Variants in ZNF423 observed in about 807,000 individuals in gnomAD.
ZNF423 encodes zinc finger protein 423.
Under a neutral mutation model 95.8 loss-of-function variants are expected in ZNF423, and 12 were observed. The observed-to-expected ratio is 0.13, with a 90% CI of 0.08 to 0.20. ZNF423 has a LOEUF of 0.20. Ranked by LOEUF, ZNF423 falls within the 10% of genes least tolerant of loss-of-function variation. The pLI is 1.00. For missense variants in ZNF423, 1,316 were observed against 1,737.1 expected, an observed-to-expected ratio of 0.76 and a Z score of 4.31; for synonymous variants, 749 against 711.9, an observed-to-expected ratio of 1.05 and a Z score of -0.83.
At chr16:49,633,865 C>A (rs542375668) in intron 4 of ZNF423, among the ~76,000 whole-genome samples, 1 of 152,230 alleles carries the variant, frequency 6.6e-6, no homozygotes, top group East Asian at 1.9e-4. Flanking sequence ...AGACTCCAGG[C>A]CCCAGCCAGA....
chr16:49,552,759 G>T (rs1470906629), intron 5 of ZNF423, among the ~76,000 whole-genome samples: 1 of 152,100 alleles, frequency 6.6e-6, no homozygotes, highest in Non-Finnish European at 1.5e-5. Flanking sequence ...ACCTCACACA[G>T]GGTCCTGCCT....
At chr16:49,846,497 G>A (rs2035247806) in intron 1 of ZNF423, among the ~76,000 whole-genome samples, 1 of 152,156 alleles carries the variant, frequency 6.6e-6, no homozygotes, top group African/African-American at 2.4e-5. Flanking sequence ...GGCAAAAACA[G>A]TGAATCTTCC....
intron 1 of ZNF423, among the ~76,000 whole-genome samples, chr16:49,809,742 T>C (rs1024386392): frequency 6.6e-6 from 1 of 152,188 alleles, no homozygotes; most frequent in Non-Finnish European, 1.5e-5. Flanking sequence ...CCACTTCTGA[T>C]GGCCTCCAAA....
At chr16:49,543,107 AG>A (rs1017115974) in intron 5 of ZNF423, among the ~76,000 whole-genome samples, 6 of 152,194 alleles carry the variant, frequency 3.9e-5, no homozygotes, top group Non-Finnish European at 8.8e-5. Context: ...GTTTATAATC[AG>A]CACTCCAATA....
At chr16:49,848,755 A>G (rs1377454065) in intron 1 of ZNF423, among the ~76,000 whole-genome samples, 1 of 152,210 alleles carries the variant, frequency 6.6e-6, no homozygotes, top group East Asian at 1.9e-4. Context: ...CTGGTGGTTC[A>G]TAATAATAAC....
intron 2 of ZNF423, among the ~76,000 whole-genome samples, chr16:49,775,331 AT>A (rs2034103013): frequency 6.6e-6 from 1 of 152,234 alleles, no homozygotes; most frequent in East Asian, 1.9e-4. Flanking sequence ...CTTTGATTCT[AT>A]TTCTCTTTGG....
chr16:49,820,916 A>C (rs1374806551), intron 1 of ZNF423, among the ~76,000 whole-genome samples: 1 of 152,220 alleles, frequency 6.6e-6, no homozygotes, highest in Non-Finnish European at 1.5e-5. Context: ...CCATATGTCC[A>C]CAAAATGTTT....
At chr16:49,759,076 C>T (rs2033778740) in intron 2 of ZNF423, among the ~76,000 whole-genome samples, 1 of 152,116 alleles carries the variant, frequency 6.6e-6, no homozygotes, top group East Asian at 1.9e-4. Flanking sequence ...GCAATAAAAC[C>T]ATATTTTTAA....
chr16:49,623,994 A>G (rs1242510697), intron 5 of ZNF423, among the ~76,000 whole-genome samples: 2 of 151,924 alleles, frequency 1.3e-5, no homozygotes, highest in South Asian at 4.2e-4. Context: ...GCAAACTCCA[A>G]CTCTCATACA....
At chr16:49,640,260 C>T (rs192327746) in intron 3 of ZNF423, among the ~76,000 whole-genome samples, 4 of 152,270 alleles carry the variant, frequency 2.6e-5, no homozygotes, top group African/African-American at 9.6e-5. Context: ...CACGGGTGAA[C>T]ACTGGCACAC....
At chr16:49,520,456 C>T (rs1220723079) in intron 7 of ZNF423, among the ~76,000 whole-genome samples, 1 of 152,198 alleles carries the variant, frequency 6.6e-6, no homozygotes, top group Non-Finnish European at 1.5e-5. Flanking sequence ...TTGACAGAGA[C>T]CAAGCCTGTC....
chr16:49,760,444 T>C (rs2033809071), intron 2 of ZNF423, among the ~76,000 whole-genome samples: 1 of 152,162 alleles, frequency 6.6e-6, no homozygotes, highest in African/African-American at 2.4e-5. Context: ...GGAATCATAT[T>C]TGCCTTACTT....
chr16:49,559,899 T>G (rs949715401), intron 5 of ZNF423, among the ~76,000 whole-genome samples: 1 of 152,194 alleles, frequency 6.6e-6, no homozygotes, highest in African/African-American at 2.4e-5. Context: ...TACCACTGCT[T>G]GTAGATTTAC....
intron 3 of ZNF423, among the ~76,000 whole-genome samples, chr16:49,653,226 C>A (rs2151906239): frequency 6.6e-6 from 1 of 150,558 alleles, no homozygotes; most frequent in Non-Finnish European, 1.5e-5. Flanking sequence ...AGCTGCCCAG[C>A]ACCTCTACCC....
At chr16:49,733,151 C>A (rs2033208392) in intron 2 of ZNF423, among the ~76,000 whole-genome samples, 1 of 152,076 alleles carries the variant, frequency 6.6e-6, no homozygotes. Flanking sequence ...AGTCATCATA[C>A]AACCATGGTT....
At chr16:49,529,993 TA>T (rs1274705280) in intron 5 of ZNF423, among the ~76,000 whole-genome samples, 1 of 152,066 alleles carries the variant, frequency 6.6e-6, no homozygotes, top group East Asian at 1.9e-4. Context: ...TGGTGTTGAC[TA>T]GGGGCATGAC....
chr16:49,502,448 A>C (rs943368718), intron 7 of ZNF423, among the ~76,000 whole-genome samples: 2 of 151,540 alleles, frequency 1.3e-5, no homozygotes, highest in Non-Finnish European at 1.5e-5. Context: ...ACCAAGGAGC[A>C]TGTAAGGAGA....
At chr16:49,564,465 C>T (rs1970121831) in intron 5 of ZNF423, among the ~76,000 whole-genome samples, 1 of 152,204 alleles carries the variant, frequency 6.6e-6, no homozygotes, top group South Asian at 2.1e-4. Context: ...AGGACCCAAT[C>T]CCTGCCAAGA....
chr16:49,601,063 G>A (rs1167111021), intron 5 of ZNF423, among the ~76,000 whole-genome samples: 1 of 152,202 alleles, frequency 6.6e-6, no homozygotes, highest in Non-Finnish European at 1.5e-5. Flanking sequence ...GGAATTTGGA[G>A]GTTGGAACAA....
Sources: gnomAD v4.1 joint callset for allele counts (sites outside exome capture counted in the v4.1 genomes callset) on GRCh38, gnomAD v4.1.1 for gene constraint, MANE v1.5 for transcripts, NCBI Gene and HGNC (gene_info 2026-07-23, HGNC 2026-07-21) for gene names.